Variants in ZNF208 observed in about 807,000 individuals in gnomAD.
The protein encoded by ZNF208 is zinc finger protein 95.
In ZNF208, 10 loss-of-function variants were observed where a neutral mutation model predicts 12.1. The observed-to-expected ratio is 0.83, with a 90% CI of 0.51 to 1.40. The LOEUF (loss-of-function observed/expected upper bound fraction) is 1.40, where lower values mean the gene tolerates loss of function less well. ZNF208 is among the 40% of genes most tolerant of loss of function. ZNF208 has a pLI of 0.00. For synonymous variants in ZNF208, 497 were observed against 488.4 expected (o/e 1.02, Z -0.23); for missense variants, 1,652 against 1,485.0 (o/e 1.11, Z -1.85).
chr19:21,982,214 C>T (rs1158853437), intron 3 of ZNF208, among the ~76,000 whole-genome samples: 3 of 151,716 alleles, frequency 2.0e-5, no homozygotes, highest in Admixed American at 1.3e-4. Context: ...AAAAATTAGC[C>T]GGGCATGGTG....
At chr19:21,958,624 G>A (rs1330095106) in intron 4 of ZNF208, among the ~76,000 whole-genome samples, 1 of 152,102 alleles carries the variant, frequency 6.6e-6, no homozygotes, top group East Asian at 1.9e-4. Flanking sequence ...TACTAAACCA[G>A]ATTGTTTCTT....
chr19:22,010,834 T>C lies in ZNF208; in HGVS notation c.-40A>G. The C allele has an allele frequency of 1.2e-6, 2 of 1,613,708 alleles. No individual in the cohort carries two copies. The highest frequency in any genetic ancestry group is 2.7e-5 in the African/African-American group (2 of 75,020). On this transcript the variant is annotated 5_prime_UTR_variant, in exon 1 of 4. Coordinates refer to ENST00000397126, the MANE Select transcript of ZNF208 (RefSeq NM_007153.3). ...GGGGTCCTGGCGACTTAGTTGTGGA[T>C]CTCCCAATACCTGCAGGTCATAGGG...
chr19:21,987,749 C>T (rs8101183), intron 2 of ZNF208, among the ~76,000 whole-genome samples: 1 of 151,964 alleles, frequency 6.6e-6, no homozygotes, highest in Admixed American at 6.6e-5. Context: ...CACAAAGAAA[C>T]TTTGCCTAAA....
chr19:21,961,885 G>A (rs1371231779), downstream of ZNF208, among the ~76,000 whole-genome samples: 7 of 152,164 alleles, frequency 4.6e-5, no homozygotes, highest in Admixed American at 2.0e-4. Flanking sequence ...TGTTTTTCAA[G>A]GTGCACTGAT....
intron 1 of ZNF208, chr19:21,997,817 T>C (rs1970866312): frequency 6.6e-6 from 1 of 152,252 alleles, no homozygotes; most frequent in Non-Finnish European, 1.5e-5. Context: ...TAGAGACAGC[T>C]CTGAGAGTTC....
At chr19:21,985,957 T>C (rs1970623122) in intron 3 of ZNF208, among the ~76,000 whole-genome samples, 1 of 152,166 alleles carries the variant, frequency 6.6e-6, no homozygotes, top group Non-Finnish European at 1.5e-5. Flanking sequence ...ATTTACTCTG[T>C]CCAAAAATAA....
At chr19:21,942,573 C>T (rs1447387393) in intron 4 of ZNF208, among the ~76,000 whole-genome samples, 4 of 152,128 alleles carry the variant, frequency 2.6e-5, no homozygotes, top group Admixed American at 2.6e-4. Flanking sequence ...TCTAGTTTAA[C>T]CTGCTCAACC....
rs1282052442 is a variant in ZNF208, at chr19:21,972,646, C to T, written c.2388G>A (p.Lys796=). The change falls in exon 4 of 4, where the codon AAG becomes AAA. Residue 796 remains lysine (K), a synonymous_variant. Coordinates refer to ENST00000397126, the MANE Select transcript of ZNF208 (RefSeq NM_007153.3). ...FNRSAILIKH[K]RIHTDEKPYK... is the part of the protein sequence containing the mutation. ...AGGGTTTCTCATCAGTATGAATTCT[C>T]TTATGTTTAATAAGGATTGCAGATC... The T allele has an allele frequency of 6.2e-7, 1 of 1,613,132 alleles. No homozygotes were observed. The highest frequency in any genetic ancestry group is 2.2e-5 in the East Asian group (1 of 44,748).
At chr19:21,985,236 T>A (rs1053081937) in intron 3 of ZNF208, among the ~76,000 whole-genome samples, 22 of 152,150 alleles carry the variant, frequency 1.4e-4, no homozygotes, top group African/African-American at 5.3e-4. Flanking sequence ...CCTATTTGCT[T>A]AACCCCCAAC....
intron 1 of ZNF208, among the ~76,000 whole-genome samples, chr19:22,005,137 A>G (rs1971022516): frequency 6.6e-6 from 1 of 152,122 alleles, no homozygotes; most frequent in South Asian, 2.1e-4. Flanking sequence ...ACTTGTAGAC[A>G]CTTTTGTGGT....
chr19:21,972,833 G>C lies in ZNF208; in HGVS notation c.2201C>G (p.Ser734Ter), dbSNP rs1392017487. The C allele has an allele frequency of 6.2e-7, 1 of 1,612,786 alleles. No individual in the cohort carries two copies. The highest frequency in any genetic ancestry group is 8.5e-7 in the Non-Finnish European group (1 of 1,179,866). Residue 734 changes from serine (S) to a stop codon, truncating the protein, a stop_gained, in exon 4 of 4, where the codon TCA (serine) becomes TGA (stop). Transcript: ENST00000397126. LOFTEE classifies it low-confidence loss of function (END_TRUNC). ...AATTACCTTATGTTTAGTAAGGACT[G>C]AGAATGTACTAAAGCTTTTGCCACA... ...EECGKSFSTF[S>*]VLTKHKVIHT...
intron 4 of ZNF208, among the ~76,000 whole-genome samples, chr19:21,944,253 C>T (rs1599599738): frequency 6.6e-6 from 1 of 152,160 alleles, no homozygotes; most frequent in African/African-American, 2.4e-5. Flanking sequence ...GTTACCCCAA[C>T]CAGTCCATGC....
At position 21,988,545 on chromosome 19, in the gene ZNF208, G is replaced by A. The variant is rs554544129; in HGVS notation, c.130+238C>T. Among the ~76,000 whole-genome samples, 7 of 152,186 alleles carry A rather than the reference G, an allele frequency of 4.6e-5. No homozygotes were observed. In the East Asian group the frequency reaches 1.2e-3, roughly 25 times the overall value. On this transcript the variant is annotated intron_variant, in intron 2 of 3. Coordinates refer to ENST00000397126, the MANE Select transcript of ZNF208 (RefSeq NM_007153.3). ...ATGCAGGCCTTCATTAAGTCAAGCA[G>A]CTGACCACAACCTCCCCCTTCTCCC... is the stretch of plus-strand genomic sequence containing the variant.
At chr19:21,991,190 C>T (rs1400305454) in intron 1 of ZNF208, among the ~76,000 whole-genome samples, 1 of 152,062 alleles carries the variant, frequency 6.6e-6, no homozygotes, top group Non-Finnish European at 1.5e-5. Flanking sequence ...TGCCAGTTTT[C>T]AAAGGGAATG....
intron 4 of ZNF208, among the ~76,000 whole-genome samples, chr19:21,946,845 G>A (rs1269802201): frequency 6.6e-6 from 1 of 152,066 alleles, no homozygotes; most frequent in Non-Finnish European, 1.5e-5. Context: ...GCAACTGAAG[G>A]TTTCTGGTTG....
At position 21,973,430 on chromosome 19, in the gene ZNF208, C is replaced by A; in HGVS notation, c.1604G>T (p.Ser535Ile). ...ATGTTTAGTAAGGATTGAGAATGTACTGAAGCTTTTGCCACATTCTTCACA... is the reference window on the plus strand; with the variant it reads ...ATGTTTAGTAAGGATTGAGAATGTAATGAAGCTTTTGCCACATTCTTCACA... ...YKCEECGKSF[S>I]TFSILTKHKV... Residue 535 changes from serine to isoleucine, a missense_variant, in exon 4 of 4, where the codon AGT becomes ATT. Physicochemically the swap from Ser to Ile is moderately radical, Grantham distance 142. This residue lies in a region of ZNF208 where 1,239 missense variants were observed against 1,086.2 expected (regional missense o/e 1.14). Coordinates refer to ENST00000397126, the MANE Select transcript of ZNF208 (RefSeq NM_007153.3). 1.2e-6 allele frequency: 2 copies of A among 1,611,156 alleles called. No homozygotes were observed. Among genetic ancestry groups the A allele is most frequent in the Non-Finnish European group, 1.7e-6 (2 of 1,179,530 alleles).
At chr19:21,992,999 C>T (rs1970769571) in intron 1 of ZNF208, among the ~76,000 whole-genome samples, 1 of 152,076 alleles carries the variant, frequency 6.6e-6, no homozygotes, top group Admixed American at 6.6e-5. Context: ...ATAAAATTTT[C>T]TAGACAAATT....
chr19:21,948,496 C>T (rs535517008), intron 4 of ZNF208, among the ~76,000 whole-genome samples: 2 of 152,238 alleles, frequency 1.3e-5, no homozygotes, highest in Non-Finnish European at 2.9e-5. Flanking sequence ...TTTGGGCCCC[C>T]AATACCCATA....
chr19:21,975,851 A>G (rs2106871), intron 3 of ZNF208, among the ~76,000 whole-genome samples: 46,770 of 91,438 alleles, frequency 0.51, 13,365 homozygotes, highest in East Asian at 0.63. Context: ...AAAAAAAAAA[A>G]GCTATCAAGT....
Sources: allele counts gnomAD v4.1 joint callset (sites outside exome capture counted in the v4.1 genomes callset), GRCh38; gene constraint gnomAD v4.1.1; regional missense constraint gnomAD v4.1.1; transcripts MANE v1.5; gene names NCBI Gene and HGNC (gene_info 2026-07-23, HGNC 2026-07-21).